Variants in ITGBL1 observed in about 807,000 individuals in gnomAD.
ITGBL1 encodes integrin subunit beta like 1.
Under a neutral mutation model 68.5 loss-of-function variants are expected in ITGBL1, and 51 were observed. That is an observed-to-expected ratio of 0.74 (90% CI 0.59 to 0.94). ITGBL1 has a LOEUF of 0.94. ITGBL1 is among the 40% of genes least tolerant of loss of function. ITGBL1 has a pLI of 0.00. For synonymous variants in ITGBL1, 209 were observed against 227.3 expected, an observed-to-expected ratio of 0.92 and a Z score of 0.72; for missense variants, 649 against 647.4, an observed-to-expected ratio of 1.00 and a Z score of -0.03.
chr13:101,625,925 C>A (rs1264792812), intron 7 of ITGBL1, among the ~76,000 whole-genome samples: 1 of 152,146 alleles, frequency 6.6e-6, no homozygotes, highest in Non-Finnish European at 1.5e-5. Context: ...ATGTATTTTT[C>A]ATCAACCCTA....
chr13:101,585,198 GTGTC>G (rs753621113), intron 6 of ITGBL1, among the ~76,000 whole-genome samples: 1 of 152,136 alleles, frequency 6.6e-6, no homozygotes, highest in Non-Finnish European at 1.5e-5. Flanking sequence ...TCTAGTCTGA[GTGTC>G]TGGGAAAATG....
chr13:101,453,034 G>A, intron 1 of ITGBL1, 103 bp downstream of exon 1: 1 of 892,234 alleles, frequency 1.1e-6, no homozygotes, highest in Non-Finnish European at 1.9e-6. Flanking sequence ...TTATTAAATT[G>A]GACAAGGGAT....
At chr13:101,468,192 A>G (rs188233383) in intron 2 of ITGBL1, among the ~76,000 whole-genome samples, 27 of 152,322 alleles carry the variant, frequency 1.8e-4, no homozygotes, top group Admixed American at 1.6e-3. Flanking sequence ...CCTGGGCAAC[A>G]CCATTAGTTA....
chr13:101,531,547 C>T (rs937229203), intron 2 of ITGBL1, among the ~76,000 whole-genome samples: 1 of 148,176 alleles, frequency 6.7e-6, no homozygotes, highest in African/African-American at 2.5e-5. Flanking sequence ...CATTTGCACT[C>T]GAAAACAGGG....
chr13:101,607,260 T>G (rs2139358240), intron 7 of ITGBL1, among the ~76,000 whole-genome samples: 1 of 152,186 alleles, frequency 6.6e-6, no homozygotes, highest in East Asian at 1.9e-4. Context: ...ATCTGAACAG[T>G]TTGCCATTTT....
At chr13:101,489,935 C>A in intron 2 of ITGBL1, 1 of 1,486,516 alleles carries the variant, frequency 6.7e-7, no homozygotes, top group East Asian at 2.5e-5. Flanking sequence ...AAGCAGAAAA[C>A]AAAATATTTT....
At chr13:101,673,677 G>T (rs1021428388) in intron 7 of ITGBL1, among the ~76,000 whole-genome samples, 4 of 152,202 alleles carry the variant, frequency 2.6e-5, no homozygotes, top group Admixed American at 2.6e-4. Flanking sequence ...ATTTTACTTT[G>T]TATTTTTCTT....
chr13:101,579,490 C>G lies in ITGBL1; in HGVS notation c.727+63C>G. Reference sequence around the variant, plus strand: ...CAAACAAAGCTTTTAATTGTTAACACTTCTTTTCTTTGTATTTCCTCTAGT... The same window carrying G: ...CAAACAAAGCTTTTAATTGTTAACAGTTCTTTTCTTTGTATTTCCTCTAGT... On this transcript the variant is annotated intron_variant, in intron 5 of 10. Transcript: ENST00000376180. 3.3e-6 allele frequency: 5 copies of G among 1,523,528 alleles called. No individual in the cohort carries two copies. The South Asian group carries it at 6.1e-5, about 18-fold the overall frequency. 94.4% of individuals were successfully genotyped at this position (1,523,528 alleles called of 1,614,324 possible). A position where few individuals can be genotyped will look rare whatever the true frequency, so the allele number is the denominator to read the frequency against.
intron 2 of ITGBL1, among the ~76,000 whole-genome samples, chr13:101,527,701 C>T (rs1698453031): frequency 2.0e-5 from 3 of 151,928 alleles, no homozygotes; most frequent in South Asian, 2.1e-4. Flanking sequence ...TTAATTTAGC[C>T]ATTCTAATAA....
chr13:101,554,605 A>G (rs2139220316), intron 2 of ITGBL1, among the ~76,000 whole-genome samples: 1 of 152,324 alleles, frequency 6.6e-6, no homozygotes, highest in South Asian at 2.1e-4. Context: ...TATGTCAGGC[A>G]TGTGTGGCCT....
At chr13:101,662,413 A>G (rs986073945) in intron 7 of ITGBL1, among the ~76,000 whole-genome samples, 4 of 152,172 alleles carry the variant, frequency 2.6e-5, no homozygotes, top group Non-Finnish European at 5.9e-5. Flanking sequence ...TTTAATTTCA[A>G]TTTCAAGCAA....
intron 2 of ITGBL1, among the ~76,000 whole-genome samples, chr13:101,486,324 T>C (rs1437631377): frequency 6.6e-6 from 1 of 152,120 alleles, no homozygotes; most frequent in African/African-American, 2.4e-5. Flanking sequence ...ATAATGGACT[T>C]TGGGGACTTG....
chr13:101,596,979 GTGTA>G (rs1408071865), intron 6 of ITGBL1, among the ~76,000 whole-genome samples: 1 of 152,120 alleles, frequency 6.6e-6, no homozygotes, highest in Non-Finnish European at 1.5e-5. Context: ...TGAAATTACT[GTGTA>G]TGAGTAGTGA....
chr13:101,471,024 T>C (rs1038144387), intron 2 of ITGBL1, among the ~76,000 whole-genome samples: 4 of 152,332 alleles, frequency 2.6e-5, no homozygotes, highest in Non-Finnish European at 5.9e-5. Flanking sequence ...TGTTATTAAG[T>C]TACACCATTT....
In ITGBL1 at chr13:101,454,089, G is replaced by T. The variant is rs1416456450; in HGVS notation, c.305G>T (p.Ser102Ile). The T allele has an allele frequency of 2.5e-6, 4 of 1,570,992 alleles. No individual in the cohort carries two copies. The highest frequency in any genetic ancestry group is 2.4e-5 in the East Asian group (1 of 42,414). The change falls in exon 2 of 11, where the codon AGC (serine) becomes ATC (isoleucine). Residue 102 changes from serine (S) to isoleucine (I), a missense_variant. By Grantham distance (142) the Ser-to-Ile change is moderately radical (BLOSUM62 -2). Coordinates refer to ENST00000376180, the MANE Select transcript of ITGBL1 (RefSeq NM_004791.3). ...TGGGTGTGCGAGACCTACGACGGGA[G>T]CACCTGTGCAGGTAAGAGGGCGGCG... ...HEWVCETYDG[S>I]TCAGHGKCDC...
intron 7 of ITGBL1, among the ~76,000 whole-genome samples, chr13:101,639,023 G>A (rs2032273988): frequency 6.6e-6 from 1 of 152,130 alleles, no homozygotes; most frequent in African/African-American, 2.4e-5. Context: ...AATGAACAGT[G>A]TTATAGGCAA....
chr13:101,638,353 A>G (rs532056538), intron 7 of ITGBL1, among the ~76,000 whole-genome samples: 51 of 152,234 alleles, frequency 3.4e-4, no homozygotes, highest in African/African-American at 1.1e-3. Flanking sequence ...TCCACCTCTC[A>G]GTTTGATTTG....
intron 7 of ITGBL1, among the ~76,000 whole-genome samples, chr13:101,621,259 A>G (rs2031570503): frequency 6.6e-6 from 1 of 152,160 alleles, no homozygotes; most frequent in Non-Finnish European, 1.5e-5. Flanking sequence ...CTGGGTGTGT[A>G]TGGAATTAGA....
chr13:101,528,137 TA>T (rs1389115265), intron 2 of ITGBL1, among the ~76,000 whole-genome samples: 1 of 151,504 alleles, frequency 6.6e-6, no homozygotes, highest in Non-Finnish European at 1.5e-5. Flanking sequence ...TGTTTTTATA[TA>T]AAAATATATA....
Sources: allele counts gnomAD v4.1 joint callset (sites outside exome capture counted in the v4.1 genomes callset), GRCh38; gene constraint gnomAD v4.1.1; transcripts MANE v1.5; gene names NCBI Gene and HGNC (gene_info 2026-07-23, HGNC 2026-07-21).